MARK1: variants seen among roughly 807,000 people sequenced by gnomAD.
MARK1 encodes the protein serine/threonine-protein kinase MARK1.
In MARK1, 40 loss-of-function variants were observed where a neutral mutation model predicts 96.3. The observed-to-expected ratio is 0.42, with a 90% CI of 0.32 to 0.54. MARK1 has a LOEUF of 0.54. Among genes scored for constraint, MARK1 ranks in the 20% least tolerant of loss-of-function variants. MARK1 has a pLI of 0.16. For missense variants in MARK1, 719 were observed against 984.6 expected (o/e 0.73, Z 3.61); for synonymous variants, 317 against 341.2 (o/e 0.93, Z 0.78).
intron 3 of MARK1, among the ~76,000 whole-genome samples, chr1:220,589,761 A>G (rs2102873951): frequency 6.6e-6 from 1 of 152,368 alleles, no homozygotes; most frequent in Admixed American, 6.5e-5. Context: ...ATTTGCTAGC[A>G]ACATTGTGTG....
intron 1 of MARK1, among the ~76,000 whole-genome samples, chr1:220,538,380 A>C (rs1250201160): frequency 6.6e-6 from 1 of 150,382 alleles, no homozygotes; most frequent in East Asian, 2.0e-4. Flanking sequence ...CAAAGATCAG[A>C]TAGTTGTAGA....
At chr1:220,630,459 A>G (rs185303165) in intron 9 of MARK1, among the ~76,000 whole-genome samples, 2 of 152,202 alleles carry the variant, frequency 1.3e-5, no homozygotes, top group Non-Finnish European at 2.9e-5. Context: ...GCCTTAGCTT[A>G]ATCTGACTCT....
Position 220,543,006 on chromosome 1 carries a change from G to T in MARK1, c.51+14133G>T, listed in dbSNP as rs538683372. Among the ~76,000 whole-genome samples, 5 of 152,118 alleles carry T rather than the reference G, an allele frequency of 3.3e-5. No individual in the cohort carries two copies. In the South Asian group the frequency reaches 1.0e-3, roughly 32 times the overall value. On this transcript the variant is annotated intron_variant, in intron 1 of 17. Coordinates refer to ENST00000366917, the MANE Select transcript of MARK1 (RefSeq NM_018650.5). ...TACTTTAAAATGTGCATAATTTTCT[G>T]TTTATAAATCTTTCATTTGAAAATT...
Position 220,632,306 on chromosome 1 carries a change from C to T in MARK1, c.1115C>T (p.Pro372Leu). 6.9e-7 allele frequency: 1 copy of T among 1,458,536 alleles called. No individual in the cohort carries two copies. Among genetic ancestry groups the T allele is most frequent in the Non-Finnish European group, 9.3e-7 (1 of 1,077,616 alleles). The allele number at this position is 1,458,536 out of a possible 1,614,324, so 90.3% of individuals were successfully genotyped here. A position where few individuals can be genotyped will look rare whatever the true frequency, so the allele number is the denominator to read the frequency against. Residue 372 changes from proline (P) to leucine (L), a missense_variant, in exon 11 of 18, where the codon CCA (proline) becomes CTA (leucine). By Grantham distance (98) the Pro-to-Leu change is moderately conservative (BLOSUM62 -3). Around this residue, in one of 4 missense-constraint regions of MARK1, gnomAD observed 501 missense variants for 588.3 expected, o/e 0.85. Coordinates refer to ENST00000366917, the MANE Select transcript of MARK1 (RefSeq NM_018650.5). ...MATYILLGRK[P>L]PEFEGGESLS... ...ACTTATATTCTTCTAGGTAGAAAACCACCTGAAGTAAGTTTTTCACCTTTT... is the reference window on the plus strand; with the variant it reads ...ACTTATATTCTTCTAGGTAGAAAACTACCTGAAGTAAGTTTTTCACCTTTT...
intron 15 of MARK1, among the ~76,000 whole-genome samples, chr1:220,652,640 A>G (rs1393818092): frequency 1.3e-5 from 2 of 152,208 alleles, no homozygotes; most frequent in African/African-American, 4.8e-5. Context: ...AGATTTCCCA[A>G]ATTCAGTACA....
intron 1 of MARK1, among the ~76,000 whole-genome samples, chr1:220,558,627 GAT>G (rs1662456101): frequency 6.6e-6 from 1 of 151,616 alleles, no homozygotes; most frequent in South Asian, 2.1e-4. Context: ...AATAATCAAA[GAT>G]ATTATTAACA....
chr1:220,637,121 T>C (rs1320335012), intron 13 of MARK1, among the ~76,000 whole-genome samples: 1 of 152,166 alleles, frequency 6.6e-6, no homozygotes, highest in Admixed American at 6.5e-5. Context: ...ACGGTGACCA[T>C]TTGAAAACAC....
intron 1 of MARK1, among the ~76,000 whole-genome samples, chr1:220,569,740 G>T (rs1179476288): frequency 1.3e-5 from 2 of 152,000 alleles, no homozygotes; most frequent in African/African-American, 4.8e-5. Context: ...CTTAGACAAA[G>T]GTTTTTAAAA....
intron 1 of MARK1, among the ~76,000 whole-genome samples, chr1:220,553,227 C>T (rs1054234396): frequency 1.3e-5 from 2 of 152,174 alleles, no homozygotes; most frequent in African/African-American, 4.8e-5. Context: ...GTCTGTGAAT[C>T]TCTATAGATT....
intron 6 of MARK1, among the ~76,000 whole-genome samples, chr1:220,614,358 C>T (rs1326984531): frequency 6.7e-6 from 1 of 150,168 alleles, no homozygotes; most frequent in Non-Finnish European, 1.5e-5. Flanking sequence ...ACCTCCCCAT[C>T]CCCAGATCTC....
At chr1:220,609,873 T>C (rs543447713) in intron 6 of MARK1, among the ~76,000 whole-genome samples, 3 of 152,336 alleles carry the variant, frequency 2.0e-5, no homozygotes, top group Admixed American at 2.0e-4. Flanking sequence ...TGTTGAATAT[T>C]GGCCCCCACT....
intron 13 of MARK1, among the ~76,000 whole-genome samples, chr1:220,647,597 T>C (rs1668650800): frequency 6.6e-6 from 1 of 152,188 alleles, no homozygotes; most frequent in South Asian, 2.1e-4. Context: ...TGCACACTTA[T>C]GTTCATTGCA....
chr1:220,564,894 AAAG>A (rs1357371916), intron 1 of MARK1, among the ~76,000 whole-genome samples: 5 of 152,154 alleles, frequency 3.3e-5, no homozygotes, highest in South Asian at 2.1e-4. Flanking sequence ...TTCAAATACC[AAAG>A]AAGAAGTATC....
At chr1:220,562,433 G>A (rs185869593) in intron 1 of MARK1, among the ~76,000 whole-genome samples, 3 of 152,314 alleles carry the variant, frequency 2.0e-5, no homozygotes, top group African/African-American at 4.8e-5. Flanking sequence ...TAGCGCCACT[G>A]CACTCCAGCC....
Position 220,656,106 on chromosome 1 carries a change from A to C in MARK1, c.1989-1684A>C, listed in dbSNP as rs145284349. Among the ~76,000 whole-genome samples the C allele has an allele frequency of 2.2e-3, 335 of 152,326 alleles. 1 individual carries two copies. The highest frequency in any genetic ancestry group is 7.5e-3 in the African/African-American group (313 of 41,572). On this transcript the variant is annotated intron_variant, in intron 16 of 17. Transcript: ENST00000366917. ...TTTGTTCAGTTGAGTATATATTGCT[A>C]TCTGTAGGTAATTGTTTTTTAAGTG... is the stretch of plus-strand genomic sequence containing the variant.
Position 220,635,438 on chromosome 1 carries a change from C to T in MARK1, c.1185C>T (p.Asp395=), listed in dbSNP as rs920453162. ...NLCQRSRPSS[D]LNNSTLQSPA... ...GTCAGAGGTCCCGGCCCAGTAGTGA[C>T]TTAAACAACAGCACTCTTCAGTCCC... Residue 395 remains aspartate, a synonymous_variant, in exon 12 of 18, where the codon GAC becomes GAT. Transcript: ENST00000366917. 1.2e-5 allele frequency: 20 copies of T among 1,611,954 alleles called. No homozygotes were observed. The highest frequency in any genetic ancestry group is 1.1e-4 in the African/African-American group (8 of 74,456).
At chr1:220,562,294 A>C (rs1199657189) in intron 1 of MARK1, among the ~76,000 whole-genome samples, 1 of 152,034 alleles carries the variant, frequency 6.6e-6, no homozygotes, top group African/African-American at 2.4e-5. Flanking sequence ...GCGAAACCCC[A>C]TCTATACTAA....
chr1:220,614,478 A>G (rs1666629299), intron 6 of MARK1, among the ~76,000 whole-genome samples: 1 of 152,126 alleles, frequency 6.6e-6, no homozygotes, highest in Non-Finnish European at 1.5e-5. Context: ...TTCTCTCATA[A>G]AAGGTAGAGT....
At chr1:220,582,571 TC>T (rs3831285) in intron 3 of MARK1, among the ~76,000 whole-genome samples, 88,273 of 151,932 alleles carry the variant, frequency 0.58, 26,990 homozygotes, top group Non-Finnish European at 0.68. Flanking sequence ...TGTGGGTTAC[TC>T]TGGCAAATTG....
Sources: gnomAD v4.1 joint callset for allele counts (sites outside exome capture counted in the v4.1 genomes callset) on GRCh38, gnomAD v4.1.1 for gene constraint, gnomAD v4.1.1 regional missense constraint, MANE v1.5 for transcripts, NCBI Gene and HGNC (gene_info 2026-07-23, HGNC 2026-07-21) for gene names.